CABP1: variants seen among roughly 807,000 people sequenced by gnomAD.
The protein encoded by CABP1 is calcium binding protein 1.
In CABP1, 17 loss-of-function variants were observed where a neutral mutation model predicts 34.3. That is an observed-to-expected ratio of 0.50 (90% CI 0.34 to 0.74). The LOEUF is 0.74. CABP1 is among the 30% of genes least tolerant of loss of function. The probability of loss-of-function intolerance (pLI) is 0.01; values close to 1 mark genes in which losing one functional copy is unlikely to be tolerated. For missense variants in CABP1, 373 were observed against 511.1 expected (o/e 0.73, Z 2.61); for synonymous variants, 198 against 229.2 (o/e 0.86, Z 1.23).
At chr12:120,647,742 ATT>A (rs11393885) in intron 1 of CABP1, among the ~76,000 whole-genome samples, 68,788 of 130,260 alleles carry the variant, frequency 0.53, 17,879 homozygotes, top group East Asian at 0.67. Flanking sequence ...TAACTTTTGT[ATT>A]TTTTTTTTTT....
chr12:120,648,616 C>T (rs1879658501), intron 1 of CABP1, among the ~76,000 whole-genome samples: 1 of 152,042 alleles, frequency 6.6e-6, no homozygotes, highest in Non-Finnish European at 1.5e-5. Context: ...CATGGTGTCT[C>T]ATGTCTGTAA....
At chr12:120,659,020 T>A (rs1295260057) in intron 1 of CABP1, 1 of 152,202 alleles carries the variant, frequency 6.6e-6, no homozygotes, top group East Asian at 1.9e-4. Context: ...GCCTGCTCCT[T>A]GGAGATGTCT....
chr12:120,680,704 A>G, the CABP1 span, among the ~76,000 whole-genome samples: 1 of 152,106 alleles, frequency 6.6e-6, no homozygotes, highest in African/African-American at 2.4e-5. Context: ...CTGAGAGCAA[A>G]CCTGGGGTTA....
intron 1 of CABP1, among the ~76,000 whole-genome samples, chr12:120,651,773 CTT>C (rs1171211691): frequency 6.6e-6 from 1 of 152,194 alleles, no homozygotes; most frequent in Non-Finnish European, 1.5e-5. Context: ...TCCTTCTAAT[CTT>C]TGCTGTTCCT....
Position 120,667,151 on chromosome 12 carries a change from G to A in CABP1, c.*251G>A, listed in dbSNP as rs1220397951. ...TGCCAAGCCGGCAGAGGTCATGCCA[G>A]GCGCCAAGGGCCATGTGCCCAGCTG... On this transcript the variant is annotated 3_prime_UTR_variant, in exon 6 of 6. Coordinates refer to ENST00000316803, the MANE Select transcript of CABP1 (RefSeq NM_001033677.2). 11 of 575,608 alleles carry A rather than the reference G, an allele frequency of 1.9e-5. No homozygotes were observed. Among genetic ancestry groups the A allele is most frequent in the Non-Finnish European group, 1.6e-5 (5 of 322,160 alleles). 35.7% of individuals were successfully genotyped at this position (575,608 alleles called of 1,614,324 possible).
Position 120,660,413 on chromosome 12 carries a change from G to A in CABP1, c.829+74G>A. The stretch of plus-strand genomic sequence containing the variant: ...CGTCCTCTGCAGTCAGACAGGACTG[G>A]CTTCAAATTCTGCATCCACCTCTTA... On this transcript the variant is annotated intron_variant, in intron 3 of 5. Coordinates refer to ENST00000316803, the MANE Select transcript of CABP1 (RefSeq NM_001033677.2). The surrounding 1 kb of genome is among the most constrained non-coding windows in gnomAD (Gnocchi z 5.0). 1.3e-6 allele frequency: 2 copies of A among 1,497,112 alleles called. No individual in the cohort carries two copies. Among genetic ancestry groups the A allele is most frequent in the Non-Finnish European group, 9.0e-7 (1 of 1,106,758 alleles). The allele number at this position is 1,497,112 out of a possible 1,614,324, so 92.7% of individuals were successfully genotyped here. A position where few individuals can be genotyped will look rare whatever the true frequency, so the allele number is the denominator to read the frequency against.
chr12:120,665,404 T>A (rs1469756625), intron 5 of CABP1, among the ~76,000 whole-genome samples: 2 of 151,862 alleles, frequency 1.3e-5, no homozygotes, highest in Non-Finnish European at 2.9e-5. Flanking sequence ...CCAGCCTGGG[T>A]GACAAAGTGA....
chr12:120,643,971 A>T (rs1398023354), intron 1 of CABP1, among the ~76,000 whole-genome samples: 1 of 152,228 alleles, frequency 6.6e-6, no homozygotes, highest in Non-Finnish European at 1.5e-5. Context: ...ACAAAGATGA[A>T]TTCCTACCTT....
intron 1 of CABP1, chr12:120,655,854 C>T (rs1565998054): frequency 4.6e-6 from 7 of 1,530,926 alleles, no homozygotes; most frequent in Non-Finnish European, 6.1e-6. Context: ...TGTGTGTGCG[C>T]ATGTGCCACA....
In CABP1 at chr12:120,667,204, G is replaced by A. The variant is rs910544284; in HGVS notation, c.*304G>A. ...GCTGGCTGGGTGGGCCAGGGAGCCC[G>A]CCAGCAGACCCCACACAGCATGTCC... On this transcript the variant is annotated 3_prime_UTR_variant, in exon 6 of 6. Transcript: ENST00000316803. 70 of 533,006 alleles carry A rather than the reference G, an allele frequency of 1.3e-4. No individual in the cohort carries two copies. The highest frequency in any genetic ancestry group is 1.5e-4 in the Non-Finnish European group (43 of 295,122). The allele number at this position is 533,006 out of a possible 1,614,324, so 33.0% of individuals were successfully genotyped here. A position where few individuals can be genotyped will look rare whatever the true frequency, so the allele number is the denominator to read the frequency against.
chr12:120,674,734 A>C, the CABP1 span, among the ~76,000 whole-genome samples: 3 of 151,946 alleles, frequency 2.0e-5, no homozygotes, highest in Non-Finnish European at 4.4e-5. Flanking sequence ...CTAAAAATAC[A>C]ACAAAAATTA....
the CABP1 span, among the ~76,000 whole-genome samples, chr12:120,680,669 C>T: frequency 1.3e-5 from 2 of 152,204 alleles, no homozygotes; most frequent in Non-Finnish European, 2.9e-5. Flanking sequence ...AGGGCTCAGA[C>T]TCCATGCCTT....
chr12:120,640,653 T>C lies in CABP1; in HGVS notation c.-33T>C. Reference sequence around the variant, plus strand: ...ATCTGCACCGCCAGCCGCCGGGAGCTCCGGGCTCCGGGCGTAGAGGCTGCG... The same window carrying C: ...ATCTGCACCGCCAGCCGCCGGGAGCCCCGGGCTCCGGGCGTAGAGGCTGCG... On this transcript the variant is annotated 5_prime_UTR_variant, in exon 1 of 6. Coordinates refer to ENST00000316803, the MANE Select transcript of CABP1 (RefSeq NM_001033677.2). This position sits in a 1 kb window ranked among gnomAD's most constrained non-coding sequence, Gnocchi z 6.2. 1.8e-6 allele frequency: 2 copies of C among 1,091,874 alleles called. No individual in the cohort carries two copies. The highest frequency in any genetic ancestry group is 1.1e-6 in the Non-Finnish European group (1 of 900,894). The allele number at this position is 1,091,874 out of a possible 1,614,324, so 67.6% of individuals were successfully genotyped here. A position where few individuals can be genotyped will look rare whatever the true frequency, so the allele number is the denominator to read the frequency against.
chr12:120,666,766 G>C lies in CABP1; in HGVS notation c.1088-109G>C, dbSNP rs1052552773. The C allele has an allele frequency of 5.0e-6, 6 of 1,209,758 alleles. No homozygotes were observed. In the African/African-American group the frequency reaches 9.0e-5, roughly 18 times the overall value. 74.9% of individuals were successfully genotyped at this position (1,209,758 alleles called of 1,614,324 possible). The stretch of plus-strand genomic sequence containing the variant: ...GGATTGGAGAGGGCGGAATGGATGG[G>C]GGACCAGCACAGAGTTGGGGCAGTG... On this transcript the variant is annotated intron_variant, in intron 5 of 5. Transcript: ENST00000316803.
At chr12:120,647,969 T>A (rs1879627311) in intron 1 of CABP1, among the ~76,000 whole-genome samples, 1 of 152,150 alleles carries the variant, frequency 6.6e-6, no homozygotes, top group African/African-American at 2.4e-5. Context: ...CAATGCCCAG[T>A]GCCCATTGGA....
chr12:120,640,795 G>A lies in CABP1; in HGVS notation c.110G>A (p.Gly37Asp). Reference sequence around the variant, plus strand: ...GAGCCCCGTTCTCTGCCCGCCGGGGGCCCCGCGCCGCGCCGCACCGCGCCG... The same window carrying A: ...GAGCCCCGTTCTCTGCCCGCCGGGGACCCCGCGCCGCGCCGCACCGCGCCG... ...RREPRSLPAG[G>D]PAPRRTAPPP... Residue 37 changes from glycine (G) to aspartate (D), a missense_variant, in exon 1 of 6, where the codon GGC becomes GAC. Coordinates refer to ENST00000316803, the MANE Select transcript of CABP1 (RefSeq NM_001033677.2). The surrounding 1 kb of genome is among the most constrained non-coding windows in gnomAD (Gnocchi z 6.2). 1 of 1,110,846 alleles carries A rather than the reference G, an allele frequency of 9.0e-7. No homozygotes were observed. The highest frequency in any genetic ancestry group is 1.1e-6 in the Non-Finnish European group (1 of 912,146). 68.8% of individuals were successfully genotyped at this position (1,110,846 alleles called of 1,614,324 possible). A position where few individuals can be genotyped will look rare whatever the true frequency, so the allele number is the denominator to read the frequency against.
At chr12:120,668,786 GTCGAGTCTTAGACAGGCT>G (rs1053327844), downstream of CABP1, among the ~76,000 whole-genome samples, 3 of 152,258 alleles carry the variant, frequency 2.0e-5, no homozygotes, top group Non-Finnish European at 4.4e-5. Context: ...GGTAGAAGTT[GTCGAGTCTTAGACAGGCT>G]TGGAGCGTAC....
At chr12:120,653,529 T>C (rs547157456) in intron 1 of CABP1, among the ~76,000 whole-genome samples, 2 of 152,260 alleles carry the variant, frequency 1.3e-5, no homozygotes, top group East Asian at 3.9e-4. Context: ...TTGTTTTGTT[T>C]TGTTTTTTGT....
intron 1 of CABP1, chr12:120,656,002 T>C (rs1880176352): frequency 6.3e-7 from 1 of 1,586,434 alleles, no homozygotes; most frequent in Non-Finnish European, 8.6e-7. Context: ...GGGTCCCCTC[T>C]TGCGGAAAGC....
Sources: gnomAD v4.1 joint callset for allele counts (sites outside exome capture counted in the v4.1 genomes callset) on GRCh38, gnomAD v4.1.1 for gene constraint, Gnocchi (gnomAD v3.1) non-coding constraint, MANE v1.5 for transcripts, NCBI Gene and HGNC (gene_info 2026-07-23, HGNC 2026-07-21) for gene names.